NME8: variants seen among roughly 807,000 people sequenced by gnomAD.
The protein encoded by NME8 is protein NME8.
A neutral mutation model predicts 82.3 loss-of-function variants in NME8; 72 were observed. That is an observed-to-expected ratio of 0.87 (90% CI 0.72 to 1.06). The LOEUF (loss-of-function observed/expected upper bound fraction) is 1.06, where lower values mean the gene tolerates loss of function less well. Ranked by LOEUF, NME8 falls within the 50% of genes least tolerant of loss-of-function variation. NME8 has a pLI of 0.00. For synonymous variants in NME8, 267 were observed against 228.5 expected, an observed-to-expected ratio of 1.17 and a Z score of -1.52; for missense variants, 712 against 685.4, an observed-to-expected ratio of 1.04 and a Z score of -0.43.
chr7:37,861,939 A>G, intron 6 of NME8, 89 bp from the exon 7 acceptor site: 1 of 835,704 alleles, frequency 1.2e-6, no homozygotes, highest in East Asian at 2.4e-5. Flanking sequence ...GTAGGGTAGA[A>G]GGGAGGGATG....
intron 7 of NME8, among the ~76,000 whole-genome samples, chr7:37,862,927 C>T (rs1784619167): frequency 6.6e-6 from 1 of 152,044 alleles, no homozygotes; most frequent in Admixed American, 6.6e-5. Context: ...GGAGACCAGC[C>T]TGGCCAACAT....
chr7:37,883,323 A>G (rs968655932), intron 12 of NME8, among the ~76,000 whole-genome samples: 1 of 152,226 alleles, frequency 6.6e-6, no homozygotes, highest in Non-Finnish European at 1.5e-5. Context: ...AGTGTCTTCT[A>G]AGAATTTATA....
intron 6 of NME8, among the ~76,000 whole-genome samples, chr7:37,860,550 G>C (rs1225352445): frequency 1.3e-5 from 2 of 152,114 alleles, no homozygotes; most frequent in African/African-American, 4.8e-5. Flanking sequence ...ACTTCCCTCT[G>C]TTCCTTTGGC....
chr7:37,855,673 C>A (rs1194561872), intron 5 of NME8, among the ~76,000 whole-genome samples: 2 of 152,070 alleles, frequency 1.3e-5, no homozygotes, highest in African/African-American at 4.8e-5. Context: ...ATTTTTTAAC[C>A]TTTTCAAAAA....
rs1030173416 is a variant in NME8, at chr7:37,865,450, G to A, written c.529-75G>A. On this transcript the variant is annotated intron_variant, in intron 9 of 17. Coordinates refer to ENST00000199447, the MANE Select transcript of NME8 (RefSeq NM_016616.5). ...GTATTGAAAGCTGGTGGTTTGTTAAGCCCAAAAAACAAACTTAACTTGTTT... is the reference window on the plus strand; with the variant it reads ...GTATTGAAAGCTGGTGGTTTGTTAAACCCAAAAAACAAACTTAACTTGTTT... 43 of 994,938 alleles carry A rather than the reference G, an allele frequency of 4.3e-5. No homozygotes were observed. The South Asian group carries it at 4.4e-4, about 10-fold the overall frequency. 61.6% of individuals were successfully genotyped at this position (994,938 alleles called of 1,614,324 possible). A position where few individuals can be genotyped will look rare whatever the true frequency, so the allele number is the denominator to read the frequency against.
chr7:37,869,486 T>G (rs1784737798), intron 11 of NME8, among the ~76,000 whole-genome samples: 1 of 152,152 alleles, frequency 6.6e-6, no homozygotes, highest in African/African-American at 2.4e-5. Flanking sequence ...GGGCTATTGT[T>G]TAGGTAGTAA....
At position 37,894,471 on chromosome 7, in the gene NME8, A is replaced by C. The variant is rs147791304; in HGVS notation, c.1405A>C (p.Ile469Leu). 745 of 1,612,772 alleles carry C rather than the reference A, an allele frequency of 4.6e-4. 1 individual carries two copies. In the African/African-American group the frequency reaches 8.8e-3, roughly 19 times the overall value. ...CAAATATTTGTTTTTCTTAGAGCAG[A>C]TCCTGAAGATAGTTAAGGAGGCTGG... is the stretch of plus-strand genomic sequence containing the variant. ...PHATSEQREQILKIVKEAGFD... is the reference protein window; with the variant it reads ...PHATSEQREQLLKIVKEAGFD... The change falls in exon 16 of 18, where the codon ATC becomes CTC. Residue 469 changes from isoleucine (I) to leucine (L), a missense_variant. Physicochemically the swap from Ile to Leu is conservative, Grantham distance 5. Transcript: ENST00000199447.
intron 7 of NME8, among the ~76,000 whole-genome samples, chr7:37,862,794 T>G (rs182378521): frequency 6.6e-6 from 1 of 152,272 alleles, no homozygotes; most frequent in East Asian, 1.9e-4. Flanking sequence ...ATTTCTGCTT[T>G]GTTCTTATTT....
rs752180954 is a variant in NME8 at position 37,877,088 on chromosome 7, C to T, written c.994+81C>T. On this transcript the variant is annotated intron_variant, in intron 12 of 17. Transcript: ENST00000199447. ...ACCCTAGTATAATTGCATTTAAAGA[C>T]ATTGTTTTAAAATTTAACATTGAAG... 6 of 1,198,726 alleles carry T rather than the reference C, an allele frequency of 5.0e-6. No homozygotes were observed. The East Asian group carries it at 1.5e-4, about 29-fold the overall frequency. 74.3% of individuals were successfully genotyped at this position (1,198,726 alleles called of 1,614,324 possible).
intron 10 of NME8, among the ~76,000 whole-genome samples, chr7:37,866,455 A>C (rs1329526403): frequency 2.0e-5 from 3 of 152,144 alleles, no homozygotes. Context: ...ATTAACTGTA[A>C]ACTTCTGAGA....
At chr7:37,889,000 G>A (rs1407695232) in intron 15 of NME8, among the ~76,000 whole-genome samples, 2 of 151,952 alleles carry the variant, frequency 1.3e-5, no homozygotes, top group African/African-American at 2.4e-5. Context: ...CTCCAAAAGA[G>A]TGTAAGCAGC....
At chr7:37,893,244 A>G (rs1439144568) in intron 15 of NME8, among the ~76,000 whole-genome samples, 3 of 152,088 alleles carry the variant, frequency 2.0e-5, no homozygotes, top group Admixed American at 6.6e-5. Flanking sequence ...GGAAGTATTG[A>G]TTTTCCAAAA....
rs184794983 is a variant in NME8, at chr7:37,863,316, A to T, written c.388-80A>T. ...TTCTTAGACTATAAATATTTACTAGATACAAAATTTCTAAAAACCCACTCA... is the reference window on the plus strand; with the variant it reads ...TTCTTAGACTATAAATATTTACTAGTTACAAAATTTCTAAAAACCCACTCA... On this transcript the variant is annotated intron_variant, in intron 7 of 17. Transcript: ENST00000199447. 2.2e-3 allele frequency: 1,747 copies of T among 810,890 alleles called. 6 individuals are homozygous for T. The highest frequency in any genetic ancestry group is 2.9e-3 in the Non-Finnish European group (1,328 of 459,170). The allele number at this position is 810,890 out of a possible 1,614,324, so 50.2% of individuals were successfully genotyped here.
chr7:37,890,435 C>A (rs985345382), intron 15 of NME8, among the ~76,000 whole-genome samples: 1 of 151,888 alleles, frequency 6.6e-6, no homozygotes, highest in African/African-American at 2.4e-5. Context: ...TTTATCATTT[C>A]TTTGTGGTGA....
chr7:37,891,425 T>C (rs771924626), intron 15 of NME8, among the ~76,000 whole-genome samples: 1 of 151,806 alleles, frequency 6.6e-6, no homozygotes, highest in Non-Finnish European at 1.5e-5. Context: ...AGGAAAAAAA[T>C]TTAGTAGATG....
chr7:37,861,933 G>A, intron 6 of NME8, 95 bp from the exon 7 acceptor site: 1 of 816,180 alleles, frequency 1.2e-6, no homozygotes, highest in East Asian at 2.4e-5. Flanking sequence ...ATGAGAGTAG[G>A]GTAGAAGGGA....
At chr7:37,883,983 ACACC>A (rs765184980) in intron 12 of NME8, among the ~76,000 whole-genome samples, 3,881 of 150,176 alleles carry the variant, frequency 0.026, 110 homozygotes, top group East Asian at 0.14. Context: ...ACACACACAC[ACACC>A]CACACAATCA....
intron 10 of NME8, among the ~76,000 whole-genome samples, chr7:37,865,895 T>G (rs908516752): frequency 2.0e-5 from 3 of 152,110 alleles, no homozygotes; most frequent in African/African-American, 7.2e-5. Flanking sequence ...AGCCCCTGCA[T>G]CAGTCCTCTG....
chr7:37,883,673 C>T (rs1450844), intron 12 of NME8, among the ~76,000 whole-genome samples: 71,155 of 151,956 alleles, frequency 0.47, 17,094 homozygotes, highest in East Asian at 0.74. Context: ...AGGTTCTCCC[C>T]GAGTGCCTCT....
Sources: allele counts gnomAD v4.1 joint callset (sites outside exome capture counted in the v4.1 genomes callset), GRCh38; gene constraint gnomAD v4.1.1; transcripts MANE v1.5; gene names NCBI Gene and HGNC (gene_info 2026-07-23, HGNC 2026-07-21).